The following ALK variants were observed in gnomAD, a reference collection of about 807,000 sequenced individuals.
ALK encodes ALK receptor tyrosine kinase.
A neutral mutation model predicts 163.1 loss-of-function variants in ALK; 74 were observed. The ratio of observed to expected loss-of-function variants is 0.45; its 90% CI spans 0.38 to 0.55. ALK has a LOEUF of 0.55. Ranked by LOEUF, ALK falls within the 20% of genes least tolerant of loss-of-function variation. ALK has a pLI of 0.00. For synonymous variants in ALK, 960 were observed against 843.2 expected, an observed-to-expected ratio of 1.14 and a Z score of -2.40; for missense variants, 2,063 against 2,105.3, an observed-to-expected ratio of 0.98 and a Z score of 0.39.
intron 8 of ALK, among the ~76,000 whole-genome samples, chr2:29,305,132 G>T (rs1423081815): frequency 1.3e-5 from 2 of 152,174 alleles, no homozygotes; most frequent in East Asian, 1.9e-4. Flanking sequence ...TTTTCATCTT[G>T]GACTTTGAGT....
At chr2:29,625,738 G>A (rs1457912302) in intron 3 of ALK, among the ~76,000 whole-genome samples, 1 of 152,222 alleles carries the variant, frequency 6.6e-6, no homozygotes, top group Non-Finnish European at 1.5e-5. Context: ...TCCCATGCTT[G>A]CTGCCCTCAC....
At chr2:29,317,390 C>A (rs1429209768) in intron 8 of ALK, among the ~76,000 whole-genome samples, 1 of 152,344 alleles carries the variant, frequency 6.6e-6, no homozygotes, top group African/African-American at 2.4e-5. Flanking sequence ...TACAAAGAAG[C>A]ACAAGACATG....
At position 29,886,562 on chromosome 2, in the gene ALK, A is replaced by T. The variant is rs560941940; in HGVS notation, c.667+33431T>A. Among the ~76,000 whole-genome samples the T allele has an allele frequency of 2.6e-5, 4 of 152,358 alleles. No individual in the cohort carries two copies. In the South Asian group the frequency reaches 8.3e-4, roughly 32 times the overall value. ...CCATGTCCACTTCCTCCCACAAGGG[A>T]AGAGAAAGAAGGAAGATTGCCCTTA... On this transcript the variant is annotated intron_variant, in intron 1 of 28. Transcript: ENST00000389048.
intron 9 of ALK, among the ~76,000 whole-genome samples, chr2:29,293,693 GAGAA>G (rs977415950): frequency 1.3e-5 from 2 of 152,170 alleles, no homozygotes; most frequent in African/African-American, 4.8e-5. Context: ...GAGATTGAGA[GAGAA>G]AGAATGGTTT....
At chr2:29,314,855 C>A (rs1226782671) in intron 8 of ALK, among the ~76,000 whole-genome samples, 2 of 152,050 alleles carry the variant, frequency 1.3e-5, no homozygotes, top group African/African-American at 2.4e-5. Flanking sequence ...GGGGTGGTGT[C>A]AGCCGCCACT....
At position 29,227,650 on chromosome 2, in the gene ALK, ATTGT is replaced by A. The variant is rs1239836109; in HGVS notation, c.2834_2837del (p.Asn945MetfsTer25). The A allele has an allele frequency of 1.9e-6, 3 of 1,614,022 alleles. No individual in the cohort carries two copies. The highest frequency in any genetic ancestry group is 2.2e-5 in the East Asian group (1 of 44,874). On this transcript the variant is annotated frameshift_variant, in exon 17 of 29. Coordinates refer to ENST00000389048, the MANE Select transcript of ALK (RefSeq NM_004304.5). LOFTEE classifies it high-confidence loss of function. The surrounding 1 kb of genome is among the most constrained non-coding windows in gnomAD (Gnocchi z 4.4). Reference sequence around the variant, plus strand: ...CATCTTCCCCATCCATTTCGGGGTCATTGTTTGAGGCTGCATTGCCGCCTGAGTA... The same window carrying A: ...CATCTTCCCCATCCATTTCGGGGTCATTGAGGCTGCATTGCCGCCTGAGTA...
chr2:29,365,775 T>C (rs1366885986), intron 5 of ALK, among the ~76,000 whole-genome samples: 1 of 152,158 alleles, frequency 6.6e-6, no homozygotes, highest in South Asian at 2.1e-4. Flanking sequence ...GTCATGGAAA[T>C]TTTCTCCATA....
chr2:29,732,690 T>A (rs1241307632), intron 1 of ALK, among the ~76,000 whole-genome samples: 2 of 152,108 alleles, frequency 1.3e-5, no homozygotes, highest in Non-Finnish European at 2.9e-5. Flanking sequence ...AGAGCTCTCA[T>A]AAATGGGATT....
intron 5 of ALK, among the ~76,000 whole-genome samples, chr2:29,356,593 G>A (rs888786047): frequency 1.3e-5 from 2 of 152,216 alleles, no homozygotes; most frequent in African/African-American, 4.8e-5. Flanking sequence ...AGTAAAAGCT[G>A]CTTAGTCAGA....
At chr2:29,203,171 G>C (rs1227178898) in intron 26 of ALK, among the ~76,000 whole-genome samples, 1 of 152,100 alleles carries the variant, frequency 6.6e-6, no homozygotes, top group Non-Finnish European at 1.5e-5. Flanking sequence ...AGATCCACTG[G>C]GTTAGGTTAA....
intron 1 of ALK, among the ~76,000 whole-genome samples, chr2:29,755,879 G>T (rs535646006): frequency 1.3e-4 from 20 of 152,274 alleles, no homozygotes; most frequent in African/African-American, 4.6e-4. Flanking sequence ...TCAGTCTTCA[G>T]ACCTGTCAGC....
chr2:29,225,975 G>C (rs931629665), intron 18 of ALK, among the ~76,000 whole-genome samples: 1 of 152,132 alleles, frequency 6.6e-6, no homozygotes, highest in Non-Finnish European at 1.5e-5. Context: ...GAGGCACTGG[G>C]CTCACAGTGG....
At position 29,531,974 on chromosome 2, in the gene ALK, C is replaced by T. The variant is rs1313071479; in HGVS notation, c.1095G>A (p.Leu365=). 1.2e-6 allele frequency: 2 copies of T among 1,614,162 alleles called. No homozygotes were observed. Among genetic ancestry groups the T allele is most frequent in the Non-Finnish European group, 8.5e-7 (1 of 1,180,012 alleles). Residue 365 remains leucine (L), a synonymous_variant, in exon 4 of 29, where the codon CTG becomes CTA. Transcript: ENST00000389048. ...LQPSGRYIAQ[L]LPHNEAAREI... Reference sequence around the variant, plus strand: ...CTCTTGCAGCCTCGTTGTGGGGCAGCAGCTGGGCAATGTACCTTCCAGAGG... The same window carrying T: ...CTCTTGCAGCCTCGTTGTGGGGCAGTAGCTGGGCAATGTACCTTCCAGAGG...
intron 4 of ALK, among the ~76,000 whole-genome samples, chr2:29,413,971 A>G (rs1214599854): frequency 1.3e-5 from 2 of 152,222 alleles, no homozygotes; most frequent in Non-Finnish European, 1.5e-5. Context: ...AGGCCTGTTT[A>G]TTATCATTAT....
chr2:29,242,561 T>C (rs1188234595), intron 12 of ALK, among the ~76,000 whole-genome samples: 9 of 152,198 alleles, frequency 5.9e-5, no homozygotes, highest in Admixed American at 5.9e-4. Context: ...GCCCCATCTA[T>C]GTCTTGACCT....
intron 3 of ALK, among the ~76,000 whole-genome samples, chr2:29,581,884 G>T (rs1480552180): frequency 6.6e-6 from 1 of 152,228 alleles, no homozygotes; most frequent in Non-Finnish European, 1.5e-5. Flanking sequence ...CTCTTAGGCA[G>T]AGAGAAACAT....
intron 4 of ALK, among the ~76,000 whole-genome samples, chr2:29,432,723 G>C (rs994971971): frequency 6.6e-6 from 1 of 150,982 alleles, no homozygotes; most frequent in Non-Finnish European, 1.5e-5. Context: ...TGGTAAACTA[G>C]ATGTAGCCTT....
chr2:29,763,492 G>C (rs1680771088), intron 1 of ALK, among the ~76,000 whole-genome samples: 1 of 152,092 alleles, frequency 6.6e-6, no homozygotes, highest in Non-Finnish European at 1.5e-5. Flanking sequence ...AATAAAATAG[G>C]ACAGTTAATA....
At chr2:29,236,811 A>G (rs1664398765) in intron 13 of ALK, among the ~76,000 whole-genome samples, 1 of 152,074 alleles carries the variant, frequency 6.6e-6, no homozygotes, top group African/African-American at 2.4e-5. Flanking sequence ...TCCGTATTGC[A>G]TCCTAGGCAA....
Sources: gnomAD v4.1 joint callset for allele counts (sites outside exome capture counted in the v4.1 genomes callset) on GRCh38, gnomAD v4.1.1 for gene constraint, Gnocchi (gnomAD v3.1) non-coding constraint, MANE v1.5 for transcripts, NCBI Gene and HGNC (gene_info 2026-07-23, HGNC 2026-07-21) for gene names.